Variants in SLC16A2 observed in about 807,000 individuals in gnomAD.
SLC16A2 encodes the protein monocarboxylate transporter 8.
Under a neutral mutation model 27.2 loss-of-function variants are expected in SLC16A2, and 3 were observed. The ratio of observed to expected loss-of-function variants is 0.11; its 90% CI spans 0.05 to 0.28. The LOEUF is 0.28. SLC16A2 is among the 10% of genes least tolerant of loss of function. SLC16A2 has a pLI of 1.00. For missense variants in SLC16A2, 295 were observed against 458.5 expected (o/e 0.64, Z 3.26); for synonymous variants, 202 against 187.8 (o/e 1.08, Z -0.62).
chrX:74,520,698 G>GT (rs905408338), intron 1 of SLC16A2, among the ~76,000 whole-genome samples: 2 of 111,814 alleles, frequency 1.8e-5, no homozygotes, highest in African/African-American at 6.5e-5. Context: ...TAACCCCAAT[G>GT]TTTTTTGCCC....
chrX:74,501,993 T>G (rs1259776996), intron 1 of SLC16A2, among the ~76,000 whole-genome samples: 4 of 111,047 alleles, frequency 3.6e-5, no homozygotes, highest in African/African-American at 1.3e-4. Flanking sequence ...AATTTGAACA[T>G]AAAAAAAACC....
intron 1 of SLC16A2, among the ~76,000 whole-genome samples, chrX:74,422,615 T>G (rs896456873): frequency 9.0e-6 from 1 of 111,183 alleles, no homozygotes; most frequent in Admixed American, 9.5e-5. Context: ...GTCAAACACA[T>G]GGCAGGCGTG....
At chrX:74,446,649 C>A (rs749289678) in intron 1 of SLC16A2, among the ~76,000 whole-genome samples, 106 of 100,269 alleles carry the variant, frequency 1.1e-3, no homozygotes, top group Non-Finnish European at 2.0e-3. Context: ...ACAAACAAAA[C>A]AACCAAACAA....
intron 1 of SLC16A2, among the ~76,000 whole-genome samples, chrX:74,466,523 A>G (rs1230687652): frequency 8.9e-6 from 1 of 112,563 alleles, no homozygotes; most frequent in African/African-American, 3.2e-5. Flanking sequence ...GATACCTAAT[A>G]CAATGTAAAT....
chrX:74,439,222 C>T (rs1458707055), intron 1 of SLC16A2, among the ~76,000 whole-genome samples: 5 of 67,716 alleles, frequency 7.4e-5, no homozygotes, highest in Non-Finnish European at 1.2e-4. Flanking sequence ...TCCTTCCTTT[C>T]TCTCTCTCTC....
chrX:74,507,329 A>G (rs750670016), intron 1 of SLC16A2, among the ~76,000 whole-genome samples: 1 of 111,485 alleles, frequency 9.0e-6, no homozygotes, highest in Non-Finnish European at 1.9e-5. Context: ...TAAACCGCAT[A>G]TATTTCAAGT....
chrX:74,495,023 C>G (rs186267920), intron 1 of SLC16A2, among the ~76,000 whole-genome samples: 206 of 111,707 alleles, frequency 1.8e-3, no homozygotes, highest in African/African-American at 6.3e-3. Context: ...TGTGATCTCC[C>G]TGGCCCATTT....
intron 1 of SLC16A2, among the ~76,000 whole-genome samples, chrX:74,485,909 C>T (rs893762777): frequency 9.1e-6 from 1 of 110,402 alleles, no homozygotes; most frequent in Non-Finnish European, 1.9e-5. Flanking sequence ...TGGTGGACAG[C>T]GAGTGAAAGC....
intron 1 of SLC16A2, among the ~76,000 whole-genome samples, chrX:74,466,798 T>C (rs1453980778): frequency 8.9e-6 from 1 of 112,200 alleles, no homozygotes; most frequent in East Asian, 2.8e-4. Flanking sequence ...AAAAACAACG[T>C]TGTCCTTCCC....
At chrX:74,456,286 G>C (rs1199433926) in intron 1 of SLC16A2, among the ~76,000 whole-genome samples, 1 of 111,397 alleles carries the variant, frequency 9.0e-6, no homozygotes, top group African/African-American at 3.3e-5. Flanking sequence ...TCCAGTGTGT[G>C]GGCCAAGATT....
intron 1 of SLC16A2, among the ~76,000 whole-genome samples, chrX:74,476,545 T>C (rs935324651): frequency 8.9e-6 from 1 of 112,082 alleles, no homozygotes; most frequent in African/African-American, 3.2e-5. Flanking sequence ...AGGGCATCCC[T>C]GTCTTGTGCC....
At chrX:74,433,680 A>G (rs1928573155) in intron 1 of SLC16A2, among the ~76,000 whole-genome samples, 1 of 111,861 alleles carries the variant, frequency 8.9e-6, no homozygotes, top group Admixed American at 9.5e-5. Context: ...ACTTCGAACT[A>G]TATCTTGGTA....
chrX:74,442,121 G>A (rs1043352019), intron 1 of SLC16A2, among the ~76,000 whole-genome samples: 1 of 107,927 alleles, frequency 9.3e-6, no homozygotes, highest in Non-Finnish European at 1.9e-5. Context: ...CCAGCTACTC[G>A]GGAGGCTGAG....
intron 4 of SLC16A2, 37 bp downstream of exon 4, chrX:74,525,930 GCCTGCCACAAATGCAAGGTTAT>G: frequency 2.5e-6 from 3 of 1,198,578 alleles, no homozygotes. Flanking sequence ...GGGAGAAACA[GCCTGCCACAAATGCAAGGTTAT>G]CCACAGCCTT....
chrX:74,472,254 T>C (rs1929370843), intron 1 of SLC16A2, among the ~76,000 whole-genome samples: 1 of 112,173 alleles, frequency 8.9e-6, no homozygotes, highest in Non-Finnish European at 1.9e-5. Context: ...TTGCTTGTGC[T>C]TTTAAAATTA....
At chrX:74,490,310 A>AG (rs1457847610) in intron 1 of SLC16A2, among the ~76,000 whole-genome samples, 1 of 110,025 alleles carries the variant, frequency 9.1e-6, no homozygotes, top group Non-Finnish European at 1.9e-5. Context: ...AGTGCCCCAA[A>AG]GGGGGTAATT....
At chrX:74,437,704 T>C (rs1390925675) in intron 1 of SLC16A2, among the ~76,000 whole-genome samples, 1 of 111,877 alleles carries the variant, frequency 8.9e-6, no homozygotes, top group Non-Finnish European at 1.9e-5. Context: ...ATCTCAAACA[T>C]GGAAAGCTCA....
rs1930463622 is a variant in SLC16A2 at position 74,524,748 on chromosome X, G to A, written c.965G>A (p.Arg322His). ...CGAGTGTTCCGCCAACGCACTTACC[G>A]CATCTGGGCCTTCGGAATTGCTGCT... is the stretch of plus-strand genomic sequence containing the variant. ...NMRVFRQRTY[R>H]IWAFGIAAAA... Residue 322 changes from arginine to histidine, a missense_variant, in exon 3 of 6, where the codon CGC (arginine) becomes CAC (histidine). This residue lies in a region of SLC16A2 where 144 missense variants were observed against 219.8 expected (regional missense o/e 0.66). Coordinates refer to ENST00000587091, the MANE Select transcript of SLC16A2 (RefSeq NM_006517.5). 2 of 1,211,340 alleles carry A rather than the reference G, an allele frequency of 1.7e-6. No individual in the cohort carries two copies. The highest frequency in any genetic ancestry group is 3.0e-5 in the East Asian group (1 of 33,817).
intron 1 of SLC16A2, among the ~76,000 whole-genome samples, chrX:74,515,811 A>G (rs1009630320): frequency 8.9e-6 from 1 of 112,152 alleles, no homozygotes; most frequent in African/African-American, 3.2e-5. Flanking sequence ...TATCCAGTGA[A>G]AATATCCTTC....
Sources: gnomAD v4.1 joint callset for allele counts (sites outside exome capture counted in the v4.1 genomes callset) on GRCh38, gnomAD v4.1.1 for gene constraint, gnomAD v4.1.1 regional missense constraint, MANE v1.5 for transcripts, NCBI Gene and HGNC (gene_info 2026-07-23, HGNC 2026-07-21) for gene names.